SUPT3H: variants seen among roughly 807,000 people sequenced by gnomAD.
SUPT3H encodes transcription initiation protein SPT3 homolog.
In SUPT3H, 44 loss-of-function variants were observed where a neutral mutation model predicts 44.3. That is an observed-to-expected ratio of 0.99 (90% confidence interval 0.78 to 1.28). The LOEUF (loss-of-function observed/expected upper bound fraction) is 1.28, where lower values mean the gene tolerates loss of function less well. Among genes scored for constraint, SUPT3H ranks in the 50% most tolerant of loss-of-function variants. The probability of loss-of-function intolerance (pLI) is 0.00; values close to 1 mark genes in which losing one functional copy is unlikely to be tolerated. For synonymous variants in SUPT3H, 124 were observed against 125.6 expected, an observed-to-expected ratio of 0.99 and a Z score of 0.09; for missense variants, 380 against 387.1, an observed-to-expected ratio of 0.98 and a Z score of 0.15.
intron 2 of SUPT3H, among the ~76,000 whole-genome samples, chr6:45,335,247 T>A (rs1788320849): frequency 6.6e-6 from 1 of 151,236 alleles, no homozygotes. Context: ...TAATTTTAAG[T>A]GAAAAGATAT....
chr6:45,081,706 C>T (rs1795842087), intron 3 of SUPT3H, among the ~76,000 whole-genome samples: 1 of 152,076 alleles, frequency 6.6e-6, no homozygotes, highest in Admixed American at 6.5e-5. Context: ...ATATCTGAAT[C>T]CACATACTTA....
chr6:45,096,589 G>C (rs888192352), intron 3 of SUPT3H, among the ~76,000 whole-genome samples: 1 of 151,514 alleles, frequency 6.6e-6, no homozygotes, highest in Admixed American at 6.6e-5. Flanking sequence ...TTCCACATGG[G>C]AACAACAGGT....
intron 10 of SUPT3H, among the ~76,000 whole-genome samples, chr6:44,830,713 A>G (rs1304165759): frequency 6.6e-6 from 1 of 152,080 alleles, no homozygotes; most frequent in East Asian, 1.9e-4. Flanking sequence ...ATTTTTAATC[A>G]TTTAAACTAG....
chr6:45,373,092 T>C (rs1374096711), intron 1 of SUPT3H, among the ~76,000 whole-genome samples: 1 of 151,696 alleles, frequency 6.6e-6, no homozygotes, highest in East Asian at 1.9e-4. Context: ...CAGTTGTGAG[T>C]CACCGCACCC....
chr6:45,008,567 C>G (rs1249820727), intron 5 of SUPT3H, among the ~76,000 whole-genome samples: 2 of 151,866 alleles, frequency 1.3e-5, no homozygotes, highest in Non-Finnish European at 2.9e-5. Flanking sequence ...GTTGCCCAGG[C>G]TGGTTTCAAA....
chr6:45,102,174 T>TA (rs1798671821), intron 3 of SUPT3H, among the ~76,000 whole-genome samples: 1 of 152,100 alleles, frequency 6.6e-6, no homozygotes, highest in Non-Finnish European at 1.5e-5. Context: ...AACTAACAAA[T>TA]ATAATGTATA....
intron 10 of SUPT3H, among the ~76,000 whole-genome samples, chr6:44,850,490 T>C (rs1392805660): frequency 6.6e-6 from 1 of 152,118 alleles, no homozygotes; most frequent in Non-Finnish European, 1.5e-5. Flanking sequence ...GCCAAAATTA[T>C]AGATATTAGA....
At chr6:45,357,622 C>G (rs982649848) in intron 2 of SUPT3H, among the ~76,000 whole-genome samples, 1 of 152,174 alleles carries the variant, frequency 6.6e-6, no homozygotes, top group African/African-American at 2.4e-5. Flanking sequence ...GCTACCACAC[C>G]TGGTCCCCCT....
chr6:45,288,724 T>G (rs973092253), intron 2 of SUPT3H, among the ~76,000 whole-genome samples: 1 of 150,840 alleles, frequency 6.6e-6, no homozygotes, highest in Non-Finnish European at 1.5e-5. Context: ...TGGGATACTT[T>G]AATATATTCT....
intron 10 of SUPT3H, among the ~76,000 whole-genome samples, chr6:44,921,703 A>G (rs1027539738): frequency 6.6e-6 from 1 of 152,218 alleles, no homozygotes; most frequent in Non-Finnish European, 1.5e-5. Flanking sequence ...TTTTTGGGTT[A>G]GATCAGGAAT....
At chr6:45,228,083 A>G (rs1012066061) in intron 2 of SUPT3H, among the ~76,000 whole-genome samples, 1 of 152,170 alleles carries the variant, frequency 6.6e-6, no homozygotes, top group East Asian at 1.9e-4. Flanking sequence ...TCTACAGGTG[A>G]ATCATTTTCT....
chr6:45,182,661 G>A (rs1042866734), intron 2 of SUPT3H, among the ~76,000 whole-genome samples: 10 of 151,736 alleles, frequency 6.6e-5, no homozygotes, highest in African/African-American at 2.2e-4. Context: ...TTTGACCTAC[G>A]AAAGCTTAAT....
intron 7 of SUPT3H, among the ~76,000 whole-genome samples, chr6:44,960,052 TAAAGA>T (rs1201628251): frequency 1.3e-5 from 2 of 152,080 alleles, no homozygotes; most frequent in Non-Finnish European, 2.9e-5. Context: ...CCTTCCACTC[TAAAGA>T]AAAGAAAATT....
At chr6:45,080,144 G>A (rs1052343910) in intron 3 of SUPT3H, among the ~76,000 whole-genome samples, 1 of 152,170 alleles carries the variant, frequency 6.6e-6, no homozygotes, top group Non-Finnish European at 1.5e-5. Flanking sequence ...CAAAAGATCT[G>A]AAGAGACATT....
intron 2 of SUPT3H, among the ~76,000 whole-genome samples, chr6:45,120,369 G>C (rs1801439880): frequency 7.9e-6 from 1 of 126,332 alleles, no homozygotes; most frequent in Non-Finnish European, 1.6e-5. Context: ...AGGGTCACTT[G>C]AGCACAAGAG....
chr6:45,311,297 T>C (rs1265942378), intron 2 of SUPT3H, among the ~76,000 whole-genome samples: 1 of 152,130 alleles, frequency 6.6e-6, no homozygotes, highest in East Asian at 1.9e-4. Flanking sequence ...AACCTAAGAA[T>C]ACTCTGTGGA....
chr6:45,115,824 A>G (rs921457261), intron 2 of SUPT3H, among the ~76,000 whole-genome samples: 3 of 152,204 alleles, frequency 2.0e-5, no homozygotes, highest in African/African-American at 7.2e-5. Context: ...ATATTATACT[A>G]GCTGAGAATT....
intron 3 of SUPT3H, among the ~76,000 whole-genome samples, chr6:45,053,217 CTT>C (rs34936776): frequency 6.9e-6 from 1 of 145,270 alleles, no homozygotes; most frequent in Non-Finnish European, 1.5e-5. Flanking sequence ...TTTGTTTTGC[CTT>C]TTTTTTTTTG....
chr6:45,088,069 C>G (rs1796696995), intron 3 of SUPT3H, among the ~76,000 whole-genome samples: 1 of 151,952 alleles, frequency 6.6e-6, no homozygotes, highest in Non-Finnish European at 1.5e-5. Context: ...GAAAAGCTTC[C>G]TAAGTCTCCA....
Sources: allele counts gnomAD v4.1 joint callset (sites outside exome capture counted in the v4.1 genomes callset), GRCh38; gene constraint gnomAD v4.1.1; transcripts MANE v1.5; gene names NCBI Gene and HGNC (gene_info 2026-07-23, HGNC 2026-07-21).